Variants in ABHD2 observed in about 807,000 individuals in gnomAD.
The protein encoded by ABHD2 is abhydrolase domain containing 2, acylglycerol lipase.
ABHD2 carries 20 observed loss-of-function variants against 48.1 expected under a neutral mutation model. The ratio of observed to expected loss-of-function variants is 0.42; its 90% CI spans 0.29 to 0.60. ABHD2 has a LOEUF of 0.60. Ranked by LOEUF, ABHD2 falls within the 20% of genes least tolerant of loss-of-function variation. ABHD2 has a pLI of 0.24. For missense variants in ABHD2, 405 were observed against 550.9 expected (o/e 0.74, Z 2.65); for synonymous variants, 209 against 214.2 (o/e 0.98, Z 0.21).
chr15:89,180,941 G>T (rs2051100515), intron 6 of ABHD2, among the ~76,000 whole-genome samples: 1 of 152,076 alleles, frequency 6.6e-6, no homozygotes, highest in South Asian at 2.1e-4. Flanking sequence ...TTAAAAGTAG[G>T]GAAGGGCCGG....
At chr15:89,148,995 T>A (rs4932476) in intron 3 of ABHD2, among the ~76,000 whole-genome samples, 1 of 151,970 alleles carries the variant, frequency 6.6e-6, no homozygotes, top group Admixed American at 6.6e-5. Flanking sequence ...GGATAAGTTA[T>A]ATAAACAAAC....
At chr15:89,157,799 C>T (rs1188730345) in intron 5 of ABHD2, among the ~76,000 whole-genome samples, 3 of 151,594 alleles carry the variant, frequency 2.0e-5, no homozygotes, top group Non-Finnish European at 4.4e-5. Flanking sequence ...GCTGAGATCG[C>T]GCCACTGCAC....
At chr15:89,073,982 A>T in the ABHD2 span, among the ~76,000 whole-genome samples, 5 of 152,204 alleles carry the variant, frequency 3.3e-5, no homozygotes, top group South Asian at 1.0e-3. Context: ...TAGGAGAAAG[A>T]GAAAGGGCTT....
At chr15:89,059,793 G>A in the ABHD2 span, among the ~76,000 whole-genome samples, 2 of 152,226 alleles carry the variant, frequency 1.3e-5, no homozygotes, top group South Asian at 2.1e-4. Flanking sequence ...ATGGGAAATG[G>A]GAAACTTGAG....
At chr15:89,165,119 A>C (rs1342236565) in intron 5 of ABHD2, among the ~76,000 whole-genome samples, 2 of 152,196 alleles carry the variant, frequency 1.3e-5, no homozygotes, top group Non-Finnish European at 2.9e-5. Flanking sequence ...TGCAGTATGC[A>C]ATGCTTGCTT....
chr15:89,157,016 A>G (rs557003717), intron 5 of ABHD2, among the ~76,000 whole-genome samples: 1 of 152,306 alleles, frequency 6.6e-6, no homozygotes, highest in African/African-American at 2.4e-5. Context: ...TATTGCAGTC[A>G]TAGCATGTAT....
At position 89,116,508 on chromosome 15, in the gene ABHD2, C is replaced by T; in HGVS notation, c.181C>T (p.Leu61Phe). 1 of 1,613,834 alleles carries T rather than the reference C, an allele frequency of 6.2e-7. No homozygotes were observed. The highest frequency in any genetic ancestry group is 8.5e-7 in the Non-Finnish European group (1 of 1,179,776). Residue 61 changes from leucine to phenylalanine, a missense_variant, in exon 3 of 11, where the codon CTT becomes TTT. By Grantham distance (22) the Leu-to-Phe change is conservative (BLOSUM62 0). Coordinates refer to ENST00000352732, the MANE Select transcript of ABHD2 (RefSeq NM_152924.5). The surrounding 1 kb of genome is among the most constrained non-coding windows in gnomAD (Gnocchi z 4.6). ...LSRFLLKSCP[L>F]LTKEYIPPLI... ...ACGCTTTCTGCTCAAGTCCTGTCCT[C>T]TTCTGACCAAAGAGTGAGTAGACCT... is the stretch of plus-strand genomic sequence containing the variant.
the ABHD2 span, among the ~76,000 whole-genome samples, chr15:89,045,828 C>T: frequency 6.6e-6 from 1 of 152,218 alleles, no homozygotes; most frequent in African/African-American, 2.4e-5. Context: ...GATATACAAT[C>T]ATGTCACCTG....
At chr15:89,132,020 G>C (rs973890567) in intron 3 of ABHD2, among the ~76,000 whole-genome samples, 2 of 151,950 alleles carry the variant, frequency 1.3e-5, no homozygotes, top group African/African-American at 4.8e-5. Context: ...GCATCCTGTT[G>C]GACTTTTTAA....
rs1258662191 is a variant in ABHD2 at position 89,173,567 on chromosome 15, T to C, written c.539-2245T>C. Among the ~76,000 whole-genome samples, 2 of 152,192 alleles carry C rather than the reference T, an allele frequency of 1.3e-5. No homozygotes were observed. The highest frequency in any genetic ancestry group is 2.9e-5 in the Non-Finnish European group (2 of 68,026). On this transcript the variant is annotated intron_variant, in intron 5 of 10. Transcript: ENST00000352732. The surrounding 1 kb of genome is among the most constrained non-coding windows in gnomAD (Gnocchi z 6.5). ...CAGCCTGGGTGACAGAGCGAGACTC[T>C]GTCTCAAAAACAAACGAACAAAAAG...
In ABHD2 at chr15:89,155,425, C is replaced by T. The variant is rs1479651715; in HGVS notation, c.429C>T (p.Ile143=). ...CCAATCACAGCGAGAAGCAATACAT[C>T]CGCACTTTCGTTGACTACGCCCAGA... is the stretch of plus-strand genomic sequence containing the variant. The part of the protein sequence containing the change: ...GIANHSEKQY[I]RTFVDYAQKN... The change falls in exon 5 of 11, where the codon ATC becomes ATT. Residue 143 remains isoleucine, a synonymous_variant. Transcript: ENST00000352732. This position sits in a 1 kb window ranked among gnomAD's most constrained non-coding sequence, Gnocchi z 4.9. The T allele has an allele frequency of 6.2e-7, 1 of 1,614,208 alleles. No homozygotes were observed. Among genetic ancestry groups the T allele is most frequent in the Non-Finnish European group, 8.5e-7 (1 of 1,180,028 alleles).
the ABHD2 span, among the ~76,000 whole-genome samples, chr15:89,066,011 T>C: frequency 6.6e-6 from 1 of 152,170 alleles, no homozygotes; most frequent in Non-Finnish European, 1.5e-5. Flanking sequence ...TCCAAAGACA[T>C]TAACGAGTGA....
chr15:89,147,945 C>T (rs1451308900), intron 3 of ABHD2, among the ~76,000 whole-genome samples: 1 of 150,874 alleles, frequency 6.6e-6, no homozygotes, highest in Non-Finnish European at 1.5e-5. Context: ...GGTAAAACCC[C>T]ATCTCTACTA....
the ABHD2 span, among the ~76,000 whole-genome samples, chr15:89,082,153 G>C: frequency 0.35 from 53,053 of 151,988 alleles, 10,216 homozygotes; most frequent in Non-Finnish European, 0.44. This position sits in a 1 kb window ranked among gnomAD's most constrained non-coding sequence, Gnocchi z 4.4. Context: ...ACTGCCCCCA[G>C]TTGAGAACCA....
the ABHD2 span, among the ~76,000 whole-genome samples, chr15:89,061,666 A>G: frequency 8.6e-5 from 13 of 152,026 alleles, no homozygotes; most frequent in South Asian, 2.7e-3. Context: ...TCAACTTCCC[A>G]AGTTCAAGCC....
the ABHD2 span, among the ~76,000 whole-genome samples, chr15:89,073,015 A>C: frequency 6.6e-6 from 1 of 152,158 alleles, no homozygotes; most frequent in South Asian, 2.1e-4. Context: ...ACAATATTTG[A>C]GACATACTTA....
the ABHD2 span, among the ~76,000 whole-genome samples, chr15:89,043,063 CACTGGG>C: frequency 6.6e-6 from 1 of 152,168 alleles, no homozygotes; most frequent in Non-Finnish European, 1.5e-5. Flanking sequence ...CTATGCTGAC[CACTGGG>C]ATGAGCCCCA....
chr15:89,088,958 G>C lies in ABHD2; in HGVS notation c.-107+395G>C, dbSNP rs928322419. Among the ~76,000 whole-genome samples the C allele has an allele frequency of 2.0e-5, 3 of 152,254 alleles. No homozygotes were observed. The highest frequency in any genetic ancestry group is 7.2e-5 in the African/African-American group (3 of 41,474). Reference sequence around the variant, plus strand: ...CTGGAAGGAGAGGGCCGAGGGGCCTGATTACAGCCCGAGATACCCGAGAGG... The same window carrying C: ...CTGGAAGGAGAGGGCCGAGGGGCCTCATTACAGCCCGAGATACCCGAGAGG... On this transcript the variant is annotated intron_variant, in intron 1 of 10. Transcript: ENST00000352732. The surrounding 1 kb of genome is among the most constrained non-coding windows in gnomAD (Gnocchi z 6.8).
At chr15:89,095,065 A>G (rs1333461144) in intron 1 of ABHD2, among the ~76,000 whole-genome samples, 2 of 138,568 alleles carry the variant, frequency 1.4e-5, no homozygotes, top group Non-Finnish European at 3.2e-5. Context: ...CTGTGTCTCA[A>G]AAAAAAAAAA....
Sources: allele counts gnomAD v4.1 joint callset (sites outside exome capture counted in the v4.1 genomes callset), GRCh38; gene constraint gnomAD v4.1.1; non-coding constraint Gnocchi (gnomAD v3.1); transcripts MANE v1.5; gene names NCBI Gene and HGNC (gene_info 2026-07-23, HGNC 2026-07-21).